Variants in NCF2 observed in about 807,000 individuals in gnomAD.
NCF2 encodes neutrophil cytosol factor 2.
NCF2 carries 45 observed loss-of-function variants against 70.9 expected under a neutral mutation model. The ratio of observed to expected loss-of-function variants is 0.63; its 90% CI spans 0.50 to 0.81. NCF2 has a LOEUF of 0.81. NCF2 is among the 40% of genes least tolerant of loss of function. The probability of loss-of-function intolerance (pLI) is 0.00; values close to 1 mark genes in which losing one functional copy is unlikely to be tolerated. For synonymous variants in NCF2, 203 were observed against 233.6 expected, an observed-to-expected ratio of 0.87 and a Z score of 1.19; for missense variants, 522 against 631.6, an observed-to-expected ratio of 0.83 and a Z score of 1.86.
chr1:183,587,653 G>A (rs1673426051), intron 1 of NCF2, among the ~76,000 whole-genome samples: 1 of 139,538 alleles, frequency 7.2e-6, no homozygotes, highest in Admixed American at 7.2e-5. Context: ...AGACAAAGTG[G>A]ACTATAAGGG....
chr1:183,557,517 A>G (rs1310145937), intron 14 of NCF2, among the ~76,000 whole-genome samples: 4 of 152,338 alleles, frequency 2.6e-5, no homozygotes, highest in South Asian at 4.1e-4. Flanking sequence ...AAAGTTTGAG[A>G]AACACTTTGT....
At chr1:183,566,071 G>T (rs185114555) in intron 9 of NCF2, among the ~76,000 whole-genome samples, 1 of 152,260 alleles carries the variant, frequency 6.6e-6, no homozygotes, top group Non-Finnish European at 1.5e-5. Context: ...TCCACTGGCC[G>T]TGGGGCAGGA....
Position 183,556,109 on chromosome 1 carries a change from T to G in NCF2, c.*9A>C. ...TCATTTTCTTCAGCTTTGTAGTTTG[T>G]GAAACATCCTAGACTTCTCTCCGAG... On this transcript the variant is annotated 3_prime_UTR_variant, in exon 15 of 15. Coordinates refer to ENST00000367535, the MANE Select transcript of NCF2 (RefSeq NM_000433.4). 6.2e-7 allele frequency: 1 copy of G among 1,609,512 alleles called. No individual in the cohort carries two copies. The highest frequency in any genetic ancestry group is 1.3e-5 in the African/African-American group (1 of 74,974).
intron 2 of NCF2, among the ~76,000 whole-genome samples, chr1:183,584,173 G>T (rs1050103843): frequency 6.6e-6 from 1 of 152,218 alleles, no homozygotes; most frequent in Admixed American, 6.5e-5. Context: ...GGATCCTCAA[G>T]GTTCACATAC....
chr1:183,564,049 G>A lies in NCF2; in HGVS notation c.1001-19C>T. On this transcript the variant is annotated intron_variant, in intron 10 of 14. Transcript: ENST00000367535. Reference sequence around the variant, plus strand: ...TTCTGGCCTGAATGGAAAAAGTAGGGAGTAAAACAAAAGAAGATGGTGAAT... The same window carrying A: ...TTCTGGCCTGAATGGAAAAAGTAGGAAGTAAAACAAAAGAAGATGGTGAAT... 1 of 1,607,256 alleles carries A rather than the reference G, an allele frequency of 6.2e-7. No homozygotes were observed. The highest frequency in any genetic ancestry group is 8.5e-7 in the Non-Finnish European group (1 of 1,173,708).
chr1:183,569,528 C>T (rs1382754360), intron 6 of NCF2, among the ~76,000 whole-genome samples: 2 of 152,152 alleles, frequency 1.3e-5, no homozygotes, highest in Non-Finnish European at 2.9e-5. Context: ...TTTCCAAAAG[C>T]TCTGTTCTGT....
the NCF2 span, among the ~76,000 whole-genome samples, chr1:183,599,365 G>C: frequency 6.6e-6 from 1 of 151,984 alleles, no homozygotes; most frequent in South Asian, 2.1e-4. Context: ...TGTAGACAGA[G>C]ACCTTGTCTC....
chr1:183,589,039 T>C (rs12094036), intron 1 of NCF2, among the ~76,000 whole-genome samples: 28,688 of 152,210 alleles, frequency 0.19, 4,571 homozygotes, highest in African/African-American at 0.44. Flanking sequence ...GCCATGTCCT[T>C]CCTCCAGCCA....
intron 2 of NCF2, among the ~76,000 whole-genome samples, chr1:183,580,729 C>G (rs922597634): frequency 6.6e-6 from 1 of 152,130 alleles, no homozygotes; most frequent in Admixed American, 6.5e-5. Flanking sequence ...GTAATCCCAG[C>G]ATTTTGGGAG....
rs766392347 is a variant in NCF2 at position 183,570,845 on chromosome 1, A to C, written c.610-6T>G. Reference sequence around the variant, plus strand: ...TCCACCACAGATGCCACGACCTAAAATCAAGGACAGGAGGGTGTGAGGCTC... The same window carrying C: ...TCCACCACAGATGCCACGACCTAAACTCAAGGACAGGAGGGTGTGAGGCTC... On this transcript the variant is annotated splice_polypyrimidine_tract_variant and splice_region_variant and intron_variant, in intron 5 of 14. Transcript: ENST00000367535. The C allele has an allele frequency of 6.2e-7, 1 of 1,614,030 alleles. No homozygotes were observed. Among genetic ancestry groups the C allele is most frequent in the East Asian group, 2.2e-5 (1 of 44,876 alleles).
upstream of NCF2, among the ~76,000 whole-genome samples, chr1:183,591,334 C>T (rs1673634590): frequency 6.6e-6 from 1 of 152,196 alleles, no homozygotes; most frequent in African/African-American, 2.4e-5. Flanking sequence ...TAATTCTTTC[C>T]AGTCTTGAAT....
At chr1:183,599,485 T>TTTCTTTCTTTCTTTC in the NCF2 span, among the ~76,000 whole-genome samples, 2 of 56,470 alleles carry the variant, frequency 3.5e-5, no homozygotes, top group African/African-American at 1.1e-4. Context: ...TTTCTTTCTC[T>TTTCTTTCTTTCTTTC]TTTCTTTCTT....
rs750131635 is a variant in NCF2, at chr1:183,573,228, T to C, written c.566A>G (p.Gln189Arg). ...VGKLFRPNER[Q>R]VAQLAKKDYL... ...ATCCTTCTTGGCCAGCTGAGCCACT[T>C]GTCTCTCATTTGGTCGAAACAGCTT... The change falls in exon 5 of 15, where the codon CAA (glutamine) becomes CGA (arginine). Residue 189 changes from glutamine (Q) to arginine (R), a missense_variant. By Grantham distance (43) the Gln-to-Arg change is conservative. Coordinates refer to ENST00000367535, the MANE Select transcript of NCF2 (RefSeq NM_000433.4). 6.2e-7 allele frequency: 1 copy of C among 1,614,160 alleles called. No homozygotes were observed. The highest frequency in any genetic ancestry group is 8.5e-7 in the Non-Finnish European group (1 of 1,180,014).
At chr1:183,599,457 T>TCTTTC in the NCF2 span, among the ~76,000 whole-genome samples, 1 of 133,864 alleles carries the variant, frequency 7.5e-6, no homozygotes, top group East Asian at 2.0e-4. Context: ...TTTCTTTCTT[T>TCTTTC]CTTTCTTTCT....
chr1:183,568,576 CAGA>C (rs1672410432), intron 7 of NCF2, among the ~76,000 whole-genome samples: 1 of 151,718 alleles, frequency 6.6e-6, no homozygotes, highest in Non-Finnish European at 1.5e-5. Context: ...TTTCATCTTA[CAGA>C]AGAAGGACTT....
chr1:183,557,525 T>C (rs1208450172), intron 14 of NCF2, among the ~76,000 whole-genome samples: 1 of 152,232 alleles, frequency 6.6e-6, no homozygotes, highest in Non-Finnish European at 1.5e-5. Context: ...AGAAACACTT[T>C]GTAGATGAGA....
At chr1:183,570,492 T>G (rs1268223467) in intron 6 of NCF2, among the ~76,000 whole-genome samples, 1 of 152,208 alleles carries the variant, frequency 6.6e-6, no homozygotes, top group African/African-American at 2.4e-5. Flanking sequence ...AGTTGAGGCT[T>G]CAGAGAGAGG....
intron 3 of NCF2, 120 bp downstream of exon 3, chr1:183,577,479 G>A: frequency 1.3e-6 from 1 of 783,484 alleles, no homozygotes; most frequent in Admixed American, 1.9e-5. Flanking sequence ...TCAAGGCAGA[G>A]GAGGCAAAAT....
the NCF2 span, among the ~76,000 whole-genome samples, chr1:183,599,470 C>CTTTCTTTCTTTCTT: frequency 2.2e-5 from 3 of 137,152 alleles, no homozygotes; most frequent in Admixed American, 7.6e-5. Flanking sequence ...TTCTTTCTTT[C>CTTTCTTTCTTTCTT]TTTCTTTCTT....
Sources: allele counts gnomAD v4.1 joint callset (sites outside exome capture counted in the v4.1 genomes callset), GRCh38; gene constraint gnomAD v4.1.1; transcripts MANE v1.5; gene names NCBI Gene and HGNC (gene_info 2026-07-23, HGNC 2026-07-21).